The following RBFOX1 variants were observed in gnomAD, a reference collection of about 807,000 sequenced individuals.
The protein encoded by RBFOX1 is RNA binding protein fox-1 homolog 1.
Under a neutral mutation model 57.7 loss-of-function variants are expected in RBFOX1, and 8 were observed. The observed-to-expected ratio is 0.14, with a 90% CI of 0.08 to 0.25. RBFOX1 has a LOEUF of 0.25. Ranked by LOEUF, RBFOX1 falls within the 10% of genes least tolerant of loss-of-function variation. The pLI is 1.00. For synonymous variants in RBFOX1, 326 were observed against 222.4 expected (o/e 1.47, Z -4.15); for missense variants, 611 against 548.5 (o/e 1.11, Z -1.14).
At chr16:7,643,586 C>T (rs1475966064) in intron 11 of RBFOX1, among the ~76,000 whole-genome samples, 1 of 152,178 alleles carries the variant, frequency 6.6e-6, no homozygotes, top group East Asian at 1.9e-4. Context: ...TGTTCATCTG[C>T]AGCCTTTACT....
At chr16:5,273,761 G>C (rs1335934478) in intron 1 of RBFOX1, among the ~76,000 whole-genome samples, 1 of 152,110 alleles carries the variant, frequency 6.6e-6, no homozygotes, top group Non-Finnish European at 1.5e-5. Flanking sequence ...ATAGCAGATG[G>C]CCCAAAAAAG....
intron 3 of RBFOX1, among the ~76,000 whole-genome samples, chr16:5,626,302 G>T (rs747050601): frequency 7.2e-5 from 11 of 152,194 alleles, no homozygotes; most frequent in Non-Finnish European, 1.5e-4. Flanking sequence ...TCCCTCCTTG[G>T]CTTGTGGATG....
intron 2 of RBFOX1, among the ~76,000 whole-genome samples, chr16:6,391,230 C>T (rs1373683640): frequency 6.6e-6 from 1 of 152,162 alleles, no homozygotes; most frequent in Non-Finnish European, 1.5e-5. Flanking sequence ...ACGATTTGGG[C>T]CAGGCACGGT....
chr16:6,616,881 G>A (rs1224493436), intron 2 of RBFOX1, among the ~76,000 whole-genome samples: 2 of 152,182 alleles, frequency 1.3e-5, no homozygotes, highest in Non-Finnish European at 2.9e-5. Context: ...GTCTGTTTAT[G>A]TAAATTAAGT....
At chr16:5,967,128 G>A (rs960246881) in intron 4 of RBFOX1, among the ~76,000 whole-genome samples, 1 of 151,996 alleles carries the variant, frequency 6.6e-6, no homozygotes, top group Non-Finnish European at 1.5e-5. Flanking sequence ...GCAGAGTTGG[G>A]TAGTTGCAAC....
chr16:7,588,661 G>A (rs2094264497), intron 7 of RBFOX1, among the ~76,000 whole-genome samples: 6 of 152,184 alleles, frequency 3.9e-5, no homozygotes, highest in Admixed American at 3.9e-4. Context: ...AGGCAAGTCG[G>A]TATCACGGAG....
intron 3 of RBFOX1, among the ~76,000 whole-genome samples, chr16:5,691,622 C>G (rs1214571543): frequency 6.6e-6 from 1 of 152,116 alleles, no homozygotes; most frequent in Non-Finnish European, 1.5e-5. Flanking sequence ...CATCTCTAAT[C>G]CAAAAATCTG....
chr16:6,149,890 A>G (rs2096785679), intron 1 of RBFOX1, among the ~76,000 whole-genome samples: 1 of 152,218 alleles, frequency 6.6e-6, no homozygotes, highest in African/African-American at 2.4e-5. Context: ...CTATACAAAT[A>G]AGTCCTGATT....
intron 3 of RBFOX1, among the ~76,000 whole-genome samples, chr16:5,607,342 G>T (rs969313446): frequency 6.6e-6 from 1 of 152,202 alleles, no homozygotes; most frequent in Non-Finnish European, 1.5e-5. Context: ...TCTGATTAAA[G>T]GAAGTTGGAC....
chr16:6,226,775 A>G (rs1037153660), intron 1 of RBFOX1, among the ~76,000 whole-genome samples: 3 of 152,018 alleles, frequency 2.0e-5, no homozygotes, highest in African/African-American at 7.2e-5. Flanking sequence ...TTGTAACAGT[A>G]TATGCCTCAT....
intron 3 of RBFOX1, among the ~76,000 whole-genome samples, chr16:6,822,442 T>G (rs2091466061): frequency 6.6e-6 from 1 of 152,230 alleles, no homozygotes; most frequent in African/African-American, 2.4e-5. Context: ...TGCTAACTTG[T>G]AACTTGGAGG....
At chr16:6,582,840 G>A (rs1433260191) in intron 2 of RBFOX1, among the ~76,000 whole-genome samples, 1 of 109,142 alleles carries the variant, frequency 9.2e-6, no homozygotes. Context: ...AAATGTTGGA[G>A]TTCATTTCAA....
At chr16:7,584,042 T>G (rs1214239700) in intron 6 of RBFOX1, among the ~76,000 whole-genome samples, 1 of 152,112 alleles carries the variant, frequency 6.6e-6, no homozygotes, top group African/African-American at 2.4e-5. Context: ...GTGAAGTCAT[T>G]ATGGGGAGAC....
intron 2 of RBFOX1, among the ~76,000 whole-genome samples, chr16:6,520,988 C>T (rs1370328991): frequency 6.6e-6 from 1 of 152,076 alleles, no homozygotes; most frequent in Non-Finnish European, 1.5e-5. Flanking sequence ...TGTAAATTGG[C>T]ATAAATTTTC....
chr16:5,263,072 C>T (rs573168468), intron 1 of RBFOX1, among the ~76,000 whole-genome samples: 25 of 143,148 alleles, frequency 1.7e-4, no homozygotes, highest in South Asian at 5.1e-4. Context: ...GGCAGGGTGA[C>T]GGTGGTGGTG....
intron 1 of RBFOX1, among the ~76,000 whole-genome samples, chr16:6,252,881 G>A (rs1438047903): frequency 6.6e-6 from 1 of 152,076 alleles, no homozygotes; most frequent in Non-Finnish European, 1.5e-5. Context: ...CCATCTAGAT[G>A]GCTAATAATA....
chr16:5,878,877 T>A (rs997674375), intron 4 of RBFOX1, among the ~76,000 whole-genome samples: 1 of 152,170 alleles, frequency 6.6e-6, no homozygotes, highest in East Asian at 1.9e-4. Flanking sequence ...GGTAAACTCT[T>A]TTAGTGTCTT....
At chr16:7,293,497 T>C (rs2095834529) in intron 4 of RBFOX1, among the ~76,000 whole-genome samples, 2 of 152,156 alleles carry the variant, frequency 1.3e-5, no homozygotes, top group African/African-American at 2.4e-5. Flanking sequence ...ATGCATCATT[T>C]AGTGGGTGTA....
At chr16:7,208,319 T>G (rs2090416401) in intron 4 of RBFOX1, among the ~76,000 whole-genome samples, 1 of 152,292 alleles carries the variant, frequency 6.6e-6, no homozygotes, top group Admixed American at 6.5e-5. Context: ...CACTTGTGTT[T>G]CAGTAAGGGA....
Sources: gnomAD v4.1 joint callset for allele counts (sites outside exome capture counted in the v4.1 genomes callset) on GRCh38, gnomAD v4.1.1 for gene constraint, MANE v1.5 for transcripts, NCBI Gene and HGNC (gene_info 2026-07-23, HGNC 2026-07-21) for gene names.